Variants in WDR86 observed in about 807,000 individuals in gnomAD.
WDR86 encodes the protein WD repeat domain 86.
WDR86 carries 30 observed loss-of-function variants against 36.5 expected under a neutral mutation model. The ratio of observed to expected loss-of-function variants is 0.82; its 90% confidence interval spans 0.61 to 1.11. The LOEUF (loss-of-function observed/expected upper bound fraction) is 1.11. Ranked by LOEUF, WDR86 falls within the 50% of genes most tolerant of loss-of-function variation. The pLI is 0.00. For missense variants in WDR86, 545 were observed against 561.2 expected, an observed-to-expected ratio of 0.97 and a Z score of 0.29; for synonymous variants, 255 against 252.9, an observed-to-expected ratio of 1.01 and a Z score of -0.08.
chr7:151,408,066 G>A (rs1044282329), intron 1 of WDR86, among the ~76,000 whole-genome samples: 4 of 152,134 alleles, frequency 2.6e-5, no homozygotes, highest in Non-Finnish European at 5.9e-5. Flanking sequence ...GGCTGTTTGG[G>A]GGGGATGTGT....
chr7:151,379,875 G>C (rs1164398112), downstream of WDR86, among the ~76,000 whole-genome samples: 1 of 152,120 alleles, frequency 6.6e-6, no homozygotes, highest in South Asian at 2.1e-4. Flanking sequence ...GCAGGAGTCA[G>C]TGTGAACGTC....
chr7:151,372,567 TA>T (rs202008318), downstream of WDR86, among the ~76,000 whole-genome samples: 11 of 152,124 alleles, frequency 7.2e-5, no homozygotes, highest in Admixed American at 2.0e-4. Context: ...TATGTGTAAA[TA>T]AAAGTGCAAA....
chr7:151,376,475 A>G (rs908954501), downstream of WDR86: 2 of 696,690 alleles, frequency 2.9e-6, no homozygotes, highest in East Asian at 2.8e-5. Flanking sequence ...AGGTTGCTCT[A>G]CGCTCACATT....
chr7:151,382,578 C>A (rs986155134), intron 4 of WDR86, among the ~76,000 whole-genome samples: 4 of 152,220 alleles, frequency 2.6e-5, no homozygotes, highest in Non-Finnish European at 4.4e-5. Context: ...CCACAGATCG[C>A]GGGGCCGCAT....
At chr7:151,385,713 G>A (rs1241107558) in intron 3 of WDR86, among the ~76,000 whole-genome samples, 5 of 152,242 alleles carry the variant, frequency 3.3e-5, no homozygotes, top group Non-Finnish European at 7.4e-5. Context: ...GGACTGTCAC[G>A]GGGTCACTGC....
rs116376908 is a variant in WDR86, at chr7:151,381,968, G to A, written c.876C>T (p.Ser292=). Residue 292 remains serine (S), a synonymous_variant, in exon 5 of 6, where the codon AGC becomes AGT. Transcript: ENST00000334493. The surrounding 1 kb of genome is among the most constrained non-coding windows in gnomAD (Gnocchi z 4.8). The part of the protein sequence containing the change: ...KYHAGTLFTG[S]GDACARAFDA... Reference sequence around the variant, plus strand: ...CGAAGGCCCGGGCGCAAGCGTCCCCGCTGCCCGTGAACACTGCGGACACAC... The same window carrying A: ...CGAAGGCCCGGGCGCAAGCGTCCCCACTGCCCGTGAACACTGCGGACACAC... 6,644 of 1,603,422 alleles carry A rather than the reference G, an allele frequency of 4.1e-3. 233 individuals carry two copies. The African/African-American group carries it at 0.078, about 19-fold the overall frequency.
At position 151,381,962 on chromosome 7, in the gene WDR86, G is replaced by T; in HGVS notation, c.882C>A (p.Asp294Glu). Residue 294 changes from aspartate to glutamate, a missense_variant, in exon 5 of 6, where the codon GAC (aspartate) becomes GAA (glutamate). Coordinates refer to ENST00000334493, the MANE Select transcript of WDR86 (RefSeq NM_198285.3). The surrounding 1 kb of genome is among the most constrained non-coding windows in gnomAD (Gnocchi z 4.8). ...GCGCGTCGAAGGCCCGGGCGCAAGC[G>T]TCCCCGCTGCCCGTGAACACTGCGG... is the stretch of plus-strand genomic sequence containing the variant. ...HAGTLFTGSG[D>E]ACARAFDAQS... is the part of the protein sequence containing the mutation. The T allele has an allele frequency of 6.2e-7, 1 of 1,604,998 alleles. No homozygotes were observed. The highest frequency in any genetic ancestry group is 8.5e-7 in the Non-Finnish European group (1 of 1,176,706).
At position 151,409,607 on chromosome 7, in the gene WDR86, G is replaced by A. The variant is rs1452096400; in HGVS notation, c.-18C>T. 2 of 1,371,262 alleles carry A rather than the reference G, an allele frequency of 1.5e-6. No homozygotes were observed. The highest frequency in any genetic ancestry group is 1.9e-6 in the Non-Finnish European group (2 of 1,066,660). The allele number at this position is 1,371,262 out of a possible 1,614,324, so 84.9% of individuals were successfully genotyped here. On this transcript the variant is annotated 5_prime_UTR_variant, in exon 1 of 6. Coordinates refer to ENST00000334493, the MANE Select transcript of WDR86 (RefSeq NM_198285.3). The surrounding 1 kb of genome is among the most constrained non-coding windows in gnomAD (Gnocchi z 5.2). The stretch of plus-strand genomic sequence containing the variant: ...CCCCCCATCCCGCTGGCAGGGCGGG[G>A]AACAAGAAGGAGCTGCGCCCCGCTA...
At chr7:151,373,713 C>T (rs570074423), downstream of WDR86, among the ~76,000 whole-genome samples, 8 of 152,242 alleles carry the variant, frequency 5.3e-5, no homozygotes, top group African/African-American at 1.9e-4. Context: ...CGTGCAGAAG[C>T]TCTCCTACCC....
chr7:151,402,071 AT>A (rs1245475410), intron 1 of WDR86, among the ~76,000 whole-genome samples: 6,189 of 44,848 alleles, frequency 0.14, 351 homozygotes, highest in East Asian at 0.25. Context: ...AAAAAAAAAA[AT>A]ATATATATAT....
intron 3 of WDR86, among the ~76,000 whole-genome samples, chr7:151,385,754 G>A (rs1289743074): frequency 6.6e-6 from 1 of 152,194 alleles, no homozygotes; most frequent in Non-Finnish European, 1.5e-5. Context: ...ACAGTGAGAA[G>A]AGGGCCCGGG....
chr7:151,385,012 T>C (rs923746464), intron 4 of WDR86, 76 bp downstream of exon 4: 3 of 1,463,224 alleles, frequency 2.1e-6, no homozygotes, highest in African/African-American at 2.8e-5. Context: ...TGAGGGAAAA[T>C]CCCATAGGAA....
intron 1 of WDR86, chr7:151,408,935 A>G (rs1327921076): frequency 4.2e-6 from 2 of 472,020 alleles, no homozygotes; most frequent in African/African-American, 2.0e-5. Flanking sequence ...ACATAGTGTG[A>G]CGACGGCACA....
At chr7:151,372,835 T>C (rs1205314905), downstream of WDR86, among the ~76,000 whole-genome samples, 1 of 151,442 alleles carries the variant, frequency 6.6e-6, no homozygotes, top group African/African-American at 2.4e-5. Flanking sequence ...GAGCACGTAA[T>C]GGGGGCATGA....
intron 3 of WDR86, among the ~76,000 whole-genome samples, chr7:151,392,219 C>T (rs879381250): frequency 3.9e-5 from 6 of 152,156 alleles, no homozygotes; most frequent in Non-Finnish European, 8.8e-5. Flanking sequence ...TGCTCCCCTG[C>T]GCCCAGGCCT....
chr7:151,395,301 C>G (rs1799730249), intron 3 of WDR86, among the ~76,000 whole-genome samples: 1 of 152,262 alleles, frequency 6.6e-6, no homozygotes, highest in Non-Finnish European at 1.5e-5. Flanking sequence ...GCCCAGCATG[C>G]AGATTCAGAA....
chr7:151,376,083 C>A, exon 2 of WDR86: 1 of 655,458 alleles, frequency 1.5e-6, no homozygotes, highest in Admixed American at 2.2e-5. Context: ...AACCTGCCCA[C>A]CTCAGAGGCC....
chr7:151,389,039 T>C (rs1468078097), intron 3 of WDR86, among the ~76,000 whole-genome samples: 2 of 152,054 alleles, frequency 1.3e-5, no homozygotes, highest in African/African-American at 4.8e-5. Flanking sequence ...TCCCAGCCTC[T>C]GGAACAGTGA....
In WDR86 at chr7:151,390,484, T is replaced by C. The variant is rs1175665234; in HGVS notation, c.727-5261A>G. ...CATCCCTTTCCCTCTACACTCGCCT[T>C]AAGAATCATTTCACTTTGGCAGTTC... On this transcript the variant is annotated intron_variant, in intron 3 of 5. Coordinates refer to ENST00000334493, the MANE Select transcript of WDR86 (RefSeq NM_198285.3). The surrounding 1 kb of genome is among the most constrained non-coding windows in gnomAD (Gnocchi z 4.5). Among the ~76,000 whole-genome samples, 1 of 152,114 alleles carries C rather than the reference T, an allele frequency of 6.6e-6. No individual in the cohort carries two copies. The highest frequency in any genetic ancestry group is 1.5e-5 in the Non-Finnish European group (1 of 68,028).
Sources: allele counts gnomAD v4.1 joint callset (sites outside exome capture counted in the v4.1 genomes callset), GRCh38; gene constraint gnomAD v4.1.1; non-coding constraint Gnocchi (gnomAD v3.1); transcripts MANE v1.5; gene names NCBI Gene and HGNC (gene_info 2026-07-23, HGNC 2026-07-21).